Variants in PGPEP1L observed in about 807,000 individuals in gnomAD.
PGPEP1L encodes the protein pyroglutamyl-peptidase I like, also known as pyroglutamyl-peptidase 1-like protein.
PGPEP1L carries 7 observed loss-of-function variants against 6.0 expected under a neutral mutation model. The ratio of observed to expected loss-of-function variants is 1.17; its 90% CI spans 0.66 to 2.19. The LOEUF is 2.19. Ranked by LOEUF, PGPEP1L falls within the 30% of genes most tolerant of loss-of-function variation. PGPEP1L has a pLI of 0.00. For missense variants in PGPEP1L, 209 were observed against 192.5 expected (o/e 1.09, Z -0.51); for synonymous variants, 103 against 83.9 (o/e 1.23, Z -1.24).
chr15:98,984,635 A>C (rs1431296877), intron 2 of PGPEP1L, among the ~76,000 whole-genome samples: 1 of 151,382 alleles, frequency 6.6e-6, no homozygotes, highest in African/African-American at 2.5e-5. Flanking sequence ...CCTACTATGG[A>C]CACTTTTGGC....
intron 1 of PGPEP1L, 65 bp downstream of exon 1, chr15:99,007,294 G>A (rs2018089272): frequency 6.6e-6 from 1 of 152,220 alleles, no homozygotes; most frequent in African/African-American, 2.4e-5. Flanking sequence ...ATATACCCCG[G>A]ATGCACTTGT....
intron 2 of PGPEP1L, among the ~76,000 whole-genome samples, chr15:98,975,867 C>G (rs567611563): frequency 1.3e-5 from 2 of 151,612 alleles, no homozygotes; most frequent in Admixed American, 6.6e-5. Flanking sequence ...GGCGACAGAG[C>G]GAGACTCTGT....
chr15:98,991,149 CA>C lies in PGPEP1L; in HGVS notation c.-142+14279del, dbSNP rs141425966. Among the ~76,000 whole-genome samples, 760 of 147,566 alleles carry C rather than the reference CA, an allele frequency of 5.2e-3. 6 individuals are homozygous for C. Among genetic ancestry groups the C allele is most frequent in the African/African-American group, 0.017 (685 of 40,224 alleles). On this transcript the variant is annotated intron_variant, in intron 2 of 4. Transcript: ENST00000535714. ...GGAGATAGAGGCATGAAAAACCCTT[CA>C]AAAAAAAAATCAATGAATCCAGGAG...
chr15:98,969,557 C>T lies in PGPEP1L; in HGVS notation c.77G>A (p.Ser26Asn). The part of the protein sequence containing the change: ...NQGYRDADIR[S>N]FWPEGGVCLP... Reference sequence around the variant, plus strand: ...GCACACGCCGCCCTCGGGCCAGAAGCTGCGGATGTCGGCGTCCCGGTAGCC... The same window carrying T: ...GCACACGCCGCCCTCGGGCCAGAAGTTGCGGATGTCGGCGTCCCGGTAGCC... The change falls in exon 4 of 5, where the codon AGC becomes AAC. Residue 26 changes from serine to asparagine, a missense_variant. Coordinates refer to ENST00000535714, the MANE Select transcript of PGPEP1L (RefSeq NM_001167902.2). 1 of 1,613,998 alleles carries T rather than the reference C, an allele frequency of 6.2e-7. No homozygotes were observed. Among genetic ancestry groups the T allele is most frequent in the Non-Finnish European group, 8.5e-7 (1 of 1,179,902 alleles).
chr15:98,972,606 C>A (rs1433567185), intron 2 of PGPEP1L, among the ~76,000 whole-genome samples: 1 of 151,874 alleles, frequency 6.6e-6, no homozygotes, highest in Admixed American at 6.6e-5. Context: ...CAGTGGCTCA[C>A]GCCTGTAATC....
chr15:99,001,272 A>C (rs1555472992), intron 2 of PGPEP1L: 1 of 266,008 alleles, frequency 3.8e-6, no homozygotes, highest in African/African-American at 2.3e-5. Flanking sequence ...CTCAACCTTG[A>C]AAACATGCTA....
rs1400136306 is a variant in PGPEP1L, at chr15:99,002,853, C to T, written c.-142+2576G>A. Reference sequence around the variant, plus strand: ...ACATTTCCACCTCTGATTCCTGTGACATATTTCTCAAGTCATTCATATTCT... The same window carrying T: ...ACATTTCCACCTCTGATTCCTGTGATATATTTCTCAAGTCATTCATATTCT... On this transcript the variant is annotated intron_variant, in intron 2 of 4. Transcript: ENST00000535714. Among the ~76,000 whole-genome samples the T allele has an allele frequency of 4.6e-5, 7 of 152,096 alleles. No homozygotes were observed. In the East Asian group the frequency reaches 1.3e-3, roughly 29 times the overall value.
At chr15:98,983,510 C>T (rs2017699181) in intron 2 of PGPEP1L, among the ~76,000 whole-genome samples, 1 of 151,952 alleles carries the variant, frequency 6.6e-6, no homozygotes, top group Admixed American at 6.6e-5. Context: ...TTTCAAAAAC[C>T]CTTGTTTTAT....
intron 2 of PGPEP1L, among the ~76,000 whole-genome samples, chr15:98,993,968 C>A (rs1028131073): frequency 2.0e-5 from 3 of 152,074 alleles, no homozygotes; most frequent in Admixed American, 6.6e-5. Context: ...AATACAAGGA[C>A]CTTAAAAAAC....
chr15:98,999,395 C>A (rs2017929589), intron 2 of PGPEP1L, among the ~76,000 whole-genome samples: 1 of 152,200 alleles, frequency 6.6e-6, no homozygotes, highest in Non-Finnish European at 1.5e-5. Flanking sequence ...TCACAGCACA[C>A]TTATCAGAGT....
chr15:98,974,219 G>A (rs1050763676), intron 2 of PGPEP1L, among the ~76,000 whole-genome samples: 6 of 151,768 alleles, frequency 4.0e-5, no homozygotes, highest in South Asian at 2.1e-4. Flanking sequence ...TGTACTAAAA[G>A]AATACAAAAA....
At position 98,979,633 on chromosome 15, in the gene PGPEP1L, C is replaced by CTT. The variant is rs568793204; in HGVS notation, c.-141-8477_-141-8476dup. On this transcript the variant is annotated intron_variant, in intron 2 of 4. Transcript: ENST00000535714. The stretch of plus-strand genomic sequence containing the variant: ...AACCTGGATGGGATTGGAGACTATT[C>CTT]TTTTTTTTTTTTTTTTTTTTTTTTT... 5.6e-4 allele frequency among the ~76,000 whole-genome samples: 26 copies of CTT among 46,498 alleles called. 2 individuals carry two copies. The highest frequency in any genetic ancestry group is 1.4e-3 in the African/African-American group (24 of 16,692). The allele number at this position is 46,498 out of a possible 152,430, so 30.5% of individuals were successfully genotyped here. A position where few individuals can be genotyped will look rare whatever the true frequency, so the allele number is the denominator to read the frequency against.
At chr15:98,987,484 G>GGTGGTGGGGTT (rs1315154818) in intron 2 of PGPEP1L, among the ~76,000 whole-genome samples, 1 of 152,142 alleles carries the variant, frequency 6.6e-6, no homozygotes, top group African/African-American at 2.4e-5. Context: ...GGGCAGGGGT[G>GGTGGTGGGGTT]GTGGTGGGGT....
At chr15:98,983,925 C>T (rs551730613) in intron 2 of PGPEP1L, among the ~76,000 whole-genome samples, 85 of 151,518 alleles carry the variant, frequency 5.6e-4, no homozygotes, top group Admixed American at 2.0e-3. Flanking sequence ...CAAAATGCTG[C>T]GGTGTAAAAT....
At chr15:99,001,706 G>A (rs1228138450) in intron 2 of PGPEP1L, among the ~76,000 whole-genome samples, 1 of 129,222 alleles carries the variant, frequency 7.7e-6, no homozygotes, top group Non-Finnish European at 1.7e-5. Flanking sequence ...TTATATATTT[G>A]TGTTTTTTAT....
chr15:99,000,180 G>A (rs1345885270), intron 2 of PGPEP1L, among the ~76,000 whole-genome samples: 1 of 152,228 alleles, frequency 6.6e-6, no homozygotes, highest in Non-Finnish European at 1.5e-5. Context: ...GCAGTGAGGG[G>A]CTTAGCATCT....
chr15:98,999,499 C>G (rs1257641274), intron 2 of PGPEP1L, among the ~76,000 whole-genome samples: 1 of 152,190 alleles, frequency 6.6e-6, no homozygotes, highest in African/African-American at 2.4e-5. Flanking sequence ...TAAAATGGTA[C>G]TGTTGCTCCG....
intron 2 of PGPEP1L, among the ~76,000 whole-genome samples, chr15:98,973,100 G>GA (rs1391152848): frequency 1.3e-5 from 2 of 151,912 alleles, no homozygotes; most frequent in African/African-American, 2.4e-5. Flanking sequence ...CAAGAATGGT[G>GA]AAAAAAAGGA....
At chr15:99,002,549 G>A (rs1227552178) in intron 2 of PGPEP1L, among the ~76,000 whole-genome samples, 4 of 152,120 alleles carry the variant, frequency 2.6e-5, no homozygotes, top group African/African-American at 9.7e-5. Flanking sequence ...CAATATCCTG[G>A]CTTTTATATT....
Sources: gnomAD v4.1 joint callset for allele counts (sites outside exome capture counted in the v4.1 genomes callset) on GRCh38, gnomAD v4.1.1 for gene constraint, MANE v1.5 for transcripts, NCBI Gene and HGNC (gene_info 2026-07-23, HGNC 2026-07-21) for gene names.